Variants in MAP7 observed in about 807,000 individuals in gnomAD.
MAP7 encodes ensconsin.
In MAP7, 52 loss-of-function variants were observed where a neutral mutation model predicts 94.8. That is an observed-to-expected ratio of 0.55 (90% CI 0.44 to 0.69). MAP7 has a LOEUF of 0.69. MAP7 is among the 30% of genes least tolerant of loss of function. The pLI, the probability that MAP7 is intolerant of heterozygous loss-of-function variation, is 0.00. For missense variants in MAP7, 940 were observed against 964.6 expected (o/e 0.97, Z 0.34); for synonymous variants, 350 against 357.0 (o/e 0.98, Z 0.22).
At chr6:136,491,720 C>A (rs1816673568) in intron 1 of MAP7, among the ~76,000 whole-genome samples, 1 of 152,024 alleles carries the variant, frequency 6.6e-6, no homozygotes, top group African/African-American at 2.4e-5. Context: ...GAATGGAAAT[C>A]CTAGATTTAA....
Position 136,452,187 on chromosome 6 carries a change from C to T in MAP7, c.68-30388G>A, listed in dbSNP as rs1209904158. ...CCAGCCTGGGAGACAGAGCAAGACT[C>T]CGTCTCAAACAAAACAAAACAAAAC... On this transcript the variant is annotated intron_variant, in intron 1 of 17. Transcript: ENST00000354570. 2.1e-5 allele frequency among the ~76,000 whole-genome samples: 3 copies of T among 144,886 alleles called. No homozygotes were observed. The Admixed American group carries it at 2.1e-4, about 10-fold the overall frequency.
intron 1 of MAP7, among the ~76,000 whole-genome samples, chr6:136,452,626 C>T (rs368246826): frequency 4.3e-4 from 65 of 152,000 alleles, no homozygotes; most frequent in African/African-American, 1.5e-3. Flanking sequence ...GATCTCGGCT[C>T]ACTGCAACCT....
At chr6:136,388,915 A>G (rs974827634) in intron 4 of MAP7, among the ~76,000 whole-genome samples, 2 of 152,158 alleles carry the variant, frequency 1.3e-5, no homozygotes, top group African/African-American at 2.4e-5. Flanking sequence ...TGACTTATTG[A>G]GTTGTATGAC....
intron 1 of MAP7, among the ~76,000 whole-genome samples, chr6:136,538,576 G>A (rs539065110): frequency 1.1e-3 from 168 of 151,818 alleles, no homozygotes; most frequent in Middle Eastern, 6.8e-3. Context: ...ACTTGAGTTC[G>A]AAACCAGCCT....
chr6:136,368,755 AAC>A (rs72451694), intron 8 of MAP7, among the ~76,000 whole-genome samples: 8,641 of 152,276 alleles, frequency 0.057, 516 homozygotes, highest in East Asian at 0.23. Flanking sequence ...AATTAAAGGC[AAC>A]ACAAATAAAT....
chr6:136,510,001 A>G (rs1822776620), intron 1 of MAP7, among the ~76,000 whole-genome samples: 1 of 152,198 alleles, frequency 6.6e-6, no homozygotes, highest in South Asian at 2.1e-4. Flanking sequence ...CAGGAGTTCG[A>G]GACCAGCCTG....
At chr6:136,473,581 G>GAATAATATTAATATTCAATTATAAT in intron 1 of MAP7, among the ~76,000 whole-genome samples, 1 of 152,098 alleles carries the variant, frequency 6.6e-6, no homozygotes, top group Non-Finnish European at 1.5e-5. Context: ...CTTTATTAAT[G>GAATAATATTAATATTCAATTATAAT]GCTGTATAAT....
In MAP7 at chr6:136,550,296, C is replaced by T. The variant is rs752693839; in HGVS notation, c.67+46G>A. On this transcript the variant is annotated intron_variant, in intron 1 of 17. Coordinates refer to ENST00000354570, the MANE Select transcript of MAP7 (RefSeq NM_003980.6). This position sits in a 1 kb window ranked among gnomAD's most constrained non-coding sequence, Gnocchi z 5.1. ...GTGCCAGCCCGCCGGCCCCGCTCGC[C>T]GTCCCCTGCCCGACGGGACCCCCAC... 4 of 1,436,956 alleles carry T rather than the reference C, an allele frequency of 2.8e-6. No homozygotes were observed. Among genetic ancestry groups the T allele is most frequent in the Admixed American group, 2.5e-5 (1 of 40,428 alleles). 89.0% of individuals were successfully genotyped at this position (1,436,956 alleles called of 1,614,324 possible). A position where few individuals can be genotyped will look rare whatever the true frequency, so the allele number is the denominator to read the frequency against.
chr6:136,426,674 A>G (rs1793260131), intron 1 of MAP7, among the ~76,000 whole-genome samples: 1 of 152,234 alleles, frequency 6.6e-6, no homozygotes, highest in African/African-American at 2.4e-5. Flanking sequence ...CTACCAAGGC[A>G]AAGAGGCAGG....
At chr6:136,435,239 C>T (rs1796070805) in intron 1 of MAP7, among the ~76,000 whole-genome samples, 1 of 152,068 alleles carries the variant, frequency 6.6e-6, no homozygotes, top group African/African-American at 2.4e-5. Flanking sequence ...AAAAAGAAGC[C>T]AACAATTACT....
rs192238389 is a variant in MAP7 at position 136,375,188 on chromosome 6, C to T, written c.752-2563G>A. Among the ~76,000 whole-genome samples the T allele has an allele frequency of 4.5e-4, 69 of 152,254 alleles. 1 individual carries two copies. The East Asian group carries it at 0.013, about 29-fold the overall frequency. ...GCATAATATGGTAATACGGTACTAGCATTTACTGAGGGCCTACTATGTGCA... is the reference window on the plus strand; with the variant it reads ...GCATAATATGGTAATACGGTACTAGTATTTACTGAGGGCCTACTATGTGCA... On this transcript the variant is annotated intron_variant, in intron 7 of 17. Coordinates refer to ENST00000354570, the MANE Select transcript of MAP7 (RefSeq NM_003980.6).
rs190140213 is a variant in MAP7, at chr6:136,431,643, G to C, written c.68-9844C>G. Among the ~76,000 whole-genome samples the C allele has an allele frequency of 4.5e-3, 681 of 152,048 alleles. 6 individuals are homozygous for C. Among genetic ancestry groups the C allele is most frequent in the African/African-American group, 0.016 (655 of 41,444 alleles). On this transcript the variant is annotated intron_variant, in intron 1 of 17. Transcript: ENST00000354570. ...AGTGATTCTCCCGCCTTAGCCTCCCGAGTAGCTGGGACTACAGGCGCGTGC... is the reference window on the plus strand; with the variant it reads ...AGTGATTCTCCCGCCTTAGCCTCCCCAGTAGCTGGGACTACAGGCGCGTGC...
chr6:136,541,348 C>T (rs1829299758), intron 1 of MAP7, among the ~76,000 whole-genome samples: 1 of 152,172 alleles, frequency 6.6e-6, no homozygotes, highest in Admixed American at 6.5e-5. Context: ...CTACATTCAA[C>T]AGTGTTGGGG....
At chr6:136,424,536 A>G (rs1179946392) in intron 1 of MAP7, among the ~76,000 whole-genome samples, 1 of 152,162 alleles carries the variant, frequency 6.6e-6, no homozygotes, top group Non-Finnish European at 1.5e-5. Context: ...TCTAAAACAA[A>G]ATATAGAGGC....
At chr6:136,493,426 C>T (rs889801387) in intron 1 of MAP7, among the ~76,000 whole-genome samples, 1 of 151,576 alleles carries the variant, frequency 6.6e-6, no homozygotes, top group Non-Finnish European at 1.5e-5. Context: ...CCGGCTTCTT[C>T]TTTCCTTTTT....
intron 1 of MAP7, among the ~76,000 whole-genome samples, chr6:136,459,623 T>C (rs1348940519): frequency 6.6e-6 from 1 of 152,142 alleles, no homozygotes; most frequent in Non-Finnish European, 1.5e-5. Flanking sequence ...TATTGGACAT[T>C]ATGCTATGTG....
At chr6:136,518,450 T>C (rs1471919451) in intron 1 of MAP7, among the ~76,000 whole-genome samples, 44 of 152,192 alleles carry the variant, frequency 2.9e-4, no homozygotes, top group Non-Finnish European at 4.4e-4. Context: ...ATTCAAACAA[T>C]GCCTTATGTC....
Position 136,372,604 on chromosome 6 carries a change from A to G in MAP7, c.773T>C (p.Met258Thr), listed in dbSNP as rs1345456548. 1.2e-6 allele frequency: 2 copies of G among 1,614,068 alleles called. No homozygotes were observed. The highest frequency in any genetic ancestry group is 2.7e-5 in the African/African-American group (2 of 74,928). Residue 258 changes from methionine (M) to threonine (T), a missense_variant, in exon 8 of 18, where the codon ATG (methionine) becomes ACG (threonine). By Grantham distance (81) the Met-to-Thr change is moderately conservative. Transcript: ENST00000354570. ...GEAASCSPII[M>T]PYKAAHSRNS... is the part of the protein sequence containing the mutation. The stretch of plus-strand genomic sequence containing the variant: ...TCTAGAGTGTGCAGCTTTGTAGGGC[A>G]TGATGATGGGGCTGCAAGATGCTGA...
rs796823683 is a variant in MAP7, at chr6:136,482,839, C to G, written c.68-61040G>C. On this transcript the variant is annotated intron_variant, in intron 1 of 17. Transcript: ENST00000354570. The stretch of plus-strand genomic sequence containing the variant: ...CAACAAGCTGTGTATTTTAAAACCG[C>G]TAAACTGTGTTGAGTTTTGCTTTTT... 1.4e-4 allele frequency among the ~76,000 whole-genome samples: 22 copies of G among 152,180 alleles called. 1 individual carries two copies. The highest frequency in any genetic ancestry group is 5.3e-4 in the African/African-American group (22 of 41,528).
Sources: allele counts gnomAD v4.1 joint callset (sites outside exome capture counted in the v4.1 genomes callset), GRCh38; gene constraint gnomAD v4.1.1; non-coding constraint Gnocchi (gnomAD v3.1); transcripts MANE v1.5; gene names NCBI Gene and HGNC (gene_info 2026-07-23, HGNC 2026-07-21).